Variants in SHTN1 observed in about 807,000 individuals in gnomAD.
SHTN1 encodes shootin-1.
SHTN1 carries 42 observed loss-of-function variants against 83.1 expected under a neutral mutation model. The ratio of observed to expected loss-of-function variants is 0.51; its 90% confidence interval spans 0.39 to 0.65. The LOEUF (loss-of-function observed/expected upper bound fraction) is 0.65, where lower values mean the gene tolerates loss of function less well. Among genes scored for constraint, SHTN1 ranks in the 30% least tolerant of loss-of-function variants. The pLI is 0.00. For missense variants in SHTN1, 622 were observed against 737.8 expected (o/e 0.84, Z 1.82); for synonymous variants, 224 against 247.7 (o/e 0.90, Z 0.90).
At chr10:117,039,134 C>A (rs114564500) in intron 2 of SHTN1, among the ~76,000 whole-genome samples, 1,973 of 152,232 alleles carry the variant, frequency 0.013, 37 homozygotes, top group African/African-American at 0.045. Flanking sequence ...TGTGGTACAT[C>A]CAGACAATGG....
chr10:117,063,256 T>C (rs1365297810), intron 1 of SHTN1, among the ~76,000 whole-genome samples: 1 of 151,866 alleles, frequency 6.6e-6, no homozygotes, highest in African/African-American at 2.4e-5. Flanking sequence ...GGCAGGAGGG[T>C]AAAAGGCAGG....
At chr10:117,073,717 C>A (rs577126470) in intron 1 of SHTN1, among the ~76,000 whole-genome samples, 1 of 152,316 alleles carries the variant, frequency 6.6e-6, no homozygotes, top group South Asian at 2.1e-4. Context: ...AGGCTACTGG[C>A]TGGAAGACAA....
At chr10:116,887,145 A>C (rs1357447806) in intron 16 of SHTN1, among the ~76,000 whole-genome samples, 2 of 152,162 alleles carry the variant, frequency 1.3e-5, no homozygotes, top group East Asian at 3.9e-4. Context: ...GCGGAGAGAG[A>C]GCCAGAGTAG....
chr10:117,085,953 CT>C (rs1427985289), intron 1 of SHTN1, among the ~76,000 whole-genome samples: 12 of 135,792 alleles, frequency 8.8e-5, no homozygotes, highest in African/African-American at 3.0e-4. Context: ...CGGAGTCTCG[CT>C]CTGTAGACCA....
intron 1 of SHTN1, among the ~76,000 whole-genome samples, chr10:117,095,456 T>C (rs112349934): frequency 6.6e-6 from 1 of 152,346 alleles, no homozygotes; most frequent in African/African-American, 2.4e-5. Flanking sequence ...GAGACTGTAT[T>C]AAGGTTTGCT....
At chr10:116,943,601 C>G (rs924471990) in intron 8 of SHTN1, among the ~76,000 whole-genome samples, 2 of 152,184 alleles carry the variant, frequency 1.3e-5, no homozygotes, top group African/African-American at 4.8e-5. Context: ...ATTAAACTCT[C>G]TAAATAAAAC....
chr10:116,976,430 T>A lies in SHTN1; in HGVS notation c.111+2826A>T, dbSNP rs572792296. 2.6e-5 allele frequency among the ~76,000 whole-genome samples: 4 copies of A among 152,296 alleles called. No homozygotes were observed. The South Asian group carries it at 8.3e-4, about 32-fold the overall frequency. ...TGGAAGGAAAAAATACCTTGCAATTTATTTTTTTGCTTCCTCTGTTCACTC... is the reference window on the plus strand; with the variant it reads ...TGGAAGGAAAAAATACCTTGCAATTAATTTTTTTGCTTCCTCTGTTCACTC... On this transcript the variant is annotated intron_variant, in intron 2 of 16. Transcript: ENST00000355371.
At chr10:116,942,546 T>G (rs961103631) in intron 8 of SHTN1, among the ~76,000 whole-genome samples, 4 of 152,130 alleles carry the variant, frequency 2.6e-5, no homozygotes, top group Non-Finnish European at 5.9e-5. Flanking sequence ...AATTTAAAAT[T>G]TTAATATAGT....
At chr10:117,056,871 AAC>A (rs1345552932) in intron 1 of SHTN1, among the ~76,000 whole-genome samples, 1 of 152,184 alleles carries the variant, frequency 6.6e-6, no homozygotes, top group African/African-American at 2.4e-5. Context: ...GCAAACTAAG[AAC>A]AGAGTAACTT....
intron 2 of SHTN1, among the ~76,000 whole-genome samples, chr10:117,014,587 AG>A (rs547293263): frequency 6.2e-4 from 95 of 152,312 alleles, no homozygotes; most frequent in Admixed American, 1.8e-3. Flanking sequence ...TGAATAAATA[AG>A]TAAATCAACT....
At chr10:117,108,631 C>A (rs560996934) in intron 1 of SHTN1, among the ~76,000 whole-genome samples, 36 of 151,102 alleles carry the variant, frequency 2.4e-4, no homozygotes, top group Non-Finnish European at 4.3e-4. Flanking sequence ...GGGTGCAGCA[C>A]AGCAACATGG....
At chr10:117,017,399 G>A (rs909596493) in intron 2 of SHTN1, among the ~76,000 whole-genome samples, 3 of 150,586 alleles carry the variant, frequency 2.0e-5, no homozygotes, top group Non-Finnish European at 4.4e-5. Context: ...GCTGAGGAAG[G>A]AGAATGGCGT....
intron 15 of SHTN1, among the ~76,000 whole-genome samples, chr10:116,903,695 C>A (rs964045434): frequency 6.6e-6 from 1 of 152,140 alleles, no homozygotes; most frequent in African/African-American, 2.4e-5. Context: ...CTCTATTCTG[C>A]CCTTGGGTAA....
At chr10:116,927,378 G>GA (rs1166259261) in intron 11 of SHTN1, among the ~76,000 whole-genome samples, 2 of 152,158 alleles carry the variant, frequency 1.3e-5, no homozygotes, top group African/African-American at 4.8e-5. Flanking sequence ...AATTATAAAG[G>GA]AAAGAGGTTT....
At chr10:117,045,649 T>C (rs1199045391) in intron 2 of SHTN1, among the ~76,000 whole-genome samples, 3 of 152,158 alleles carry the variant, frequency 2.0e-5, no homozygotes, top group African/African-American at 7.2e-5. Flanking sequence ...CTAGTCAGAT[T>C]AACCTCATGC....
At chr10:117,116,060 G>A (rs1349353239) in intron 1 of SHTN1, among the ~76,000 whole-genome samples, 2 of 151,740 alleles carry the variant, frequency 1.3e-5, no homozygotes, top group Non-Finnish European at 2.9e-5. Context: ...GGAAAGAAAT[G>A]ATAAAGATCA....
intron 2 of SHTN1, among the ~76,000 whole-genome samples, chr10:117,042,634 T>C (rs1429015286): frequency 1.3e-5 from 2 of 151,980 alleles, no homozygotes; most frequent in Non-Finnish European, 2.9e-5. Flanking sequence ...ACTTCCTTTT[T>C]TTTTTGAGTC....
In SHTN1 at chr10:116,894,198, C is replaced by A. The variant is rs141192149; in HGVS notation, c.1673+7567G>T. Among the ~76,000 whole-genome samples the A allele has an allele frequency of 4.2e-3, 645 of 152,220 alleles. 8 individuals carry two copies. The highest frequency in any genetic ancestry group is 0.015 in the African/African-American group (617 of 41,514). ...ATTAATGGCCCAAACAAGATGAACTCTTACAAAAATAAATTTGTGTGGGGC... is the reference window on the plus strand; with the variant it reads ...ATTAATGGCCCAAACAAGATGAACTATTACAAAAATAAATTTGTGTGGGGC... On this transcript the variant is annotated intron_variant, in intron 16 of 16. Coordinates refer to ENST00000355371, the MANE Select transcript of SHTN1 (RefSeq NM_001127211.3).
chr10:116,955,695 G>A (rs1268018844), intron 4 of SHTN1, among the ~76,000 whole-genome samples: 1 of 152,180 alleles, frequency 6.6e-6, no homozygotes, highest in Non-Finnish European at 1.5e-5. Flanking sequence ...ACCTAAAGTG[G>A]CATGGTCTGG....
Sources: gnomAD v4.1 joint callset for allele counts (sites outside exome capture counted in the v4.1 genomes callset) on GRCh38, gnomAD v4.1.1 for gene constraint, MANE v1.5 for transcripts, NCBI Gene and HGNC (gene_info 2026-07-23, HGNC 2026-07-21) for gene names.